Variants in MGLL observed in about 807,000 individuals in gnomAD.
MGLL encodes the protein lysophospholipase homolog.
A neutral mutation model predicts 29.1 loss-of-function variants in MGLL; 7 were observed. The ratio of observed to expected loss-of-function variants is 0.24; its 90% confidence interval spans 0.14 to 0.45. The LOEUF (loss-of-function observed/expected upper bound fraction) is 0.45. Ranked by LOEUF, MGLL falls within the 20% of genes least tolerant of loss-of-function variation. The probability of loss-of-function intolerance (pLI) is 0.99; values close to 1 mark genes in which losing one functional copy is unlikely to be tolerated. For missense variants in MGLL, 356 were observed against 413.6 expected, an observed-to-expected ratio of 0.86 and a Z score of 1.21; for synonymous variants, 148 against 168.3, an observed-to-expected ratio of 0.88 and a Z score of 0.93.
At chr3:127,707,988 C>A (rs1285540343) in intron 6 of MGLL, among the ~76,000 whole-genome samples, 1 of 152,200 alleles carries the variant, frequency 6.6e-6, no homozygotes, top group Non-Finnish European at 1.5e-5. Context: ...GGGGCCTGTG[C>A]ACTCTTGAGT....
chr3:127,753,989 T>A (rs1423411708), intron 3 of MGLL, among the ~76,000 whole-genome samples: 2 of 152,212 alleles, frequency 1.3e-5, no homozygotes, highest in Non-Finnish European at 2.9e-5. Flanking sequence ...TCGTCACAGC[T>A]GTCAGCGCCC....
intron 3 of MGLL, among the ~76,000 whole-genome samples, chr3:127,739,712 C>G (rs1375477151): frequency 6.6e-6 from 1 of 152,224 alleles, no homozygotes; most frequent in African/African-American, 2.4e-5. Flanking sequence ...GATGGAGCAG[C>G]AGGCCTGAGA....
rs537273856 is a variant in MGLL, at chr3:127,731,968, TTAAA to T, written c.263-9406_263-9403del. On this transcript the variant is annotated intron_variant, in intron 3 of 7. Coordinates refer to ENST00000265052, the MANE Select transcript of MGLL (RefSeq NM_007283.7). The stretch of plus-strand genomic sequence containing the variant: ...TTCGTGATAATCCTTTGTTGAATGA[TTAAA>T]TAGTCTCCTACAAAATATTTCTGTC... Among the ~76,000 whole-genome samples the T allele has an allele frequency of 5.9e-3, 902 of 152,366 alleles. 12 individuals carry two copies. Among genetic ancestry groups the T allele is most frequent in the African/African-American group, 0.021 (853 of 41,580 alleles).
intron 3 of MGLL, among the ~76,000 whole-genome samples, chr3:127,770,995 A>G (rs955483815): frequency 5.3e-5 from 8 of 152,198 alleles, no homozygotes; most frequent in African/African-American, 1.7e-4. Context: ...GCCCAGGGTC[A>G]CAAGGATGTG....
chr3:127,693,659 T>C (rs2075290600), intron 7 of MGLL, among the ~76,000 whole-genome samples: 1 of 152,280 alleles, frequency 6.6e-6, no homozygotes, highest in South Asian at 2.1e-4. Context: ...ATGCCTACAC[T>C]ACACTCTGCT....
intron 3 of MGLL, among the ~76,000 whole-genome samples, chr3:127,753,406 A>C (rs2076594565): frequency 6.6e-6 from 1 of 152,224 alleles, no homozygotes; most frequent in South Asian, 2.1e-4. Context: ...GGATGTTCTC[A>C]GGGCTTAGGT....
At chr3:127,705,277 G>T (rs1478249092) in intron 6 of MGLL, among the ~76,000 whole-genome samples, 1 of 152,056 alleles carries the variant, frequency 6.6e-6, no homozygotes, top group African/African-American at 2.4e-5. Flanking sequence ...TGCATGTGGG[G>T]CTTAATACCT....
intron 2 of MGLL, among the ~76,000 whole-genome samples, chr3:127,806,575 T>C (rs1180784187): frequency 6.6e-6 from 1 of 151,158 alleles, no homozygotes; most frequent in African/African-American, 2.4e-5. Context: ...TATGGATAGG[T>C]AGATGGTAGG....
chr3:127,769,834 G>A (rs1046717733), intron 3 of MGLL, among the ~76,000 whole-genome samples: 4 of 152,198 alleles, frequency 2.6e-5, no homozygotes, highest in Non-Finnish European at 4.4e-5. Flanking sequence ...CCCCACCCCC[G>A]AAGCCCCGTC....
At chr3:127,726,190 A>AAAGAAAAG (rs1553758469) in intron 3 of MGLL, among the ~76,000 whole-genome samples, 1,575 of 73,996 alleles carry the variant, frequency 0.021, 20 homozygotes, top group Middle Eastern at 0.029. Flanking sequence ...GAAAGAAAAG[A>AAAGAAAAG]AAAGAAAGAA....
intron 3 of MGLL, among the ~76,000 whole-genome samples, chr3:127,745,699 A>G (rs2076429565): frequency 1.3e-5 from 2 of 152,200 alleles, no homozygotes. Context: ...TAATAATAAT[A>G]AAAAAGAAAG....
At chr3:127,796,674 A>G (rs941869377) in intron 2 of MGLL, among the ~76,000 whole-genome samples, 50 of 152,336 alleles carry the variant, frequency 3.3e-4, no homozygotes, top group Admixed American at 7.8e-4. Context: ...ACGGTGCCCT[A>G]TGGTGAGTGT....
chr3:127,733,535 G>T (rs765245049), intron 3 of MGLL, among the ~76,000 whole-genome samples: 46 of 152,196 alleles, frequency 3.0e-4, no homozygotes, highest in Non-Finnish European at 2.6e-4. Flanking sequence ...TCAGGCCTGG[G>T]AGGCAAGGCA....
At chr3:127,794,784 G>A (rs896878738) in intron 2 of MGLL, among the ~76,000 whole-genome samples, 3 of 152,226 alleles carry the variant, frequency 2.0e-5, no homozygotes, top group Non-Finnish European at 4.4e-5. Context: ...CTTCTATGAT[G>A]TAAGACTCTC....
intron 2 of MGLL, among the ~76,000 whole-genome samples, chr3:127,809,638 TA>T (rs35000374): frequency 0.23 from 32,731 of 143,192 alleles, 4,048 homozygotes; most frequent in African/African-American, 0.36. Context: ...AAAACAACAA[TA>T]AAAAAAAAAA....
chr3:127,719,824 C>G (rs976259689), intron 5 of MGLL, among the ~76,000 whole-genome samples: 1 of 152,154 alleles, frequency 6.6e-6, no homozygotes, highest in Non-Finnish European at 1.5e-5. Flanking sequence ...TCAGTAAGTC[C>G]GTGATTTCCT....
intron 5 of MGLL, among the ~76,000 whole-genome samples, chr3:127,716,707 C>T (rs935138504): frequency 6.6e-6 from 1 of 152,246 alleles, no homozygotes; most frequent in Admixed American, 6.5e-5. Context: ...GAAAGCCTTG[C>T]CATGAGGAAG....
At chr3:127,702,769 A>C (rs1194816426) in intron 6 of MGLL, among the ~76,000 whole-genome samples, 1 of 152,070 alleles carries the variant, frequency 6.6e-6, no homozygotes, top group East Asian at 1.9e-4. Flanking sequence ...ATCTTGGCTC[A>C]CTGCAACCTC....
At chr3:127,798,996 G>A (rs944078994) in intron 2 of MGLL, among the ~76,000 whole-genome samples, 6 of 152,338 alleles carry the variant, frequency 3.9e-5, no homozygotes, top group Middle Eastern at 3.4e-3. Flanking sequence ...GGATTCCCAC[G>A]ATGAAGGGAG....
Sources: allele counts gnomAD v4.1 joint callset (sites outside exome capture counted in the v4.1 genomes callset), GRCh38; gene constraint gnomAD v4.1.1; transcripts MANE v1.5; gene names NCBI Gene and HGNC (gene_info 2026-07-23, HGNC 2026-07-21).